SLC44A5: variants seen among roughly 807,000 people sequenced by gnomAD.
SLC44A5 encodes choline transporter-like protein 5.
A neutral mutation model predicts 101.8 loss-of-function variants in SLC44A5; 57 were observed. That is an observed-to-expected ratio of 0.56 (90% confidence interval 0.45 to 0.70). SLC44A5 has a LOEUF of 0.70. Among genes scored for constraint, SLC44A5 ranks in the 30% least tolerant of loss-of-function variants. The probability of loss-of-function intolerance (pLI) is 0.00; values close to 1 mark genes in which losing one functional copy is unlikely to be tolerated. For synonymous variants in SLC44A5, 281 were observed against 290.9 expected, an observed-to-expected ratio of 0.97 and a Z score of 0.35; for missense variants, 737 against 853.1, an observed-to-expected ratio of 0.86 and a Z score of 1.70.
At position 75,415,681 on chromosome 1, in the gene SLC44A5, G is replaced by A. The variant is rs149152125; in HGVS notation, c.14-19060C>T. Among the ~76,000 whole-genome samples, 276 of 152,270 alleles carry A rather than the reference G, an allele frequency of 1.8e-3. 4 individuals are homozygous for A. In the East Asian group the frequency reaches 0.037, roughly 21 times the overall value. ...GAACTTCCTAGAGATTTGTTGAATG[G>A]CTCTGACAAAAATGCTGATAGTGAT... On this transcript the variant is annotated intron_variant, in intron 2 of 23. Transcript: ENST00000370859.
At chr1:75,488,265 T>C (rs571802833) in intron 2 of SLC44A5, among the ~76,000 whole-genome samples, 5 of 152,200 alleles carry the variant, frequency 3.3e-5, no homozygotes, top group African/African-American at 7.2e-5. Flanking sequence ...CGTGGAAAAA[T>C]TGTCTCCCAA....
At chr1:75,329,726 C>A (rs562945045) in intron 4 of SLC44A5, among the ~76,000 whole-genome samples, 2 of 152,226 alleles carry the variant, frequency 1.3e-5, no homozygotes, top group East Asian at 3.9e-4. Context: ...TGATATTTTA[C>A]ACATATGCCG....
the SLC44A5 span, among the ~76,000 whole-genome samples, chr1:75,665,131 CA>C: frequency 2.6e-5 from 4 of 151,206 alleles, no homozygotes; most frequent in East Asian, 1.9e-4. Flanking sequence ...AGGAAACAAA[CA>C]AAAAAAAGAA....
At chr1:75,606,597 C>T (rs1368406620) in intron 1 of SLC44A5, among the ~76,000 whole-genome samples, 3 of 152,022 alleles carry the variant, frequency 2.0e-5, no homozygotes, top group Admixed American at 6.6e-5. Flanking sequence ...AAACAGTTAA[C>T]TGTGCTGTCT....
chr1:75,499,245 G>C (rs1263528639), intron 2 of SLC44A5, among the ~76,000 whole-genome samples: 1 of 152,200 alleles, frequency 6.6e-6, no homozygotes, highest in Non-Finnish European at 1.5e-5. Context: ...GGGCCGGAAG[G>C]GAGTGGTTTG....
At chr1:75,655,640 A>T in the SLC44A5 span, among the ~76,000 whole-genome samples, 1 of 152,170 alleles carries the variant, frequency 6.6e-6, no homozygotes, top group Admixed American at 6.5e-5. Context: ...AATGCAGCAC[A>T]GAGAGACACT....
chr1:75,550,582 A>G (rs180817408), intron 1 of SLC44A5, among the ~76,000 whole-genome samples: 13 of 151,986 alleles, frequency 8.6e-5, no homozygotes, highest in African/African-American at 2.9e-4. Context: ...AAAAAAAAAG[A>G]TCATTATTTG....
At position 75,575,284 on chromosome 1, in the gene SLC44A5, T is replaced by C. The variant is rs922407726; in HGVS notation, c.-69-33768A>G. 2.6e-5 allele frequency among the ~76,000 whole-genome samples: 4 copies of C among 152,198 alleles called. No homozygotes were observed. The East Asian group carries it at 5.8e-4, about 22-fold the overall frequency. On this transcript the variant is annotated intron_variant, in intron 1 of 23. Transcript: ENST00000370859. The stretch of plus-strand genomic sequence containing the variant: ...ATTTGTAAGTATGAACTAAAATGAT[T>C]TCAGACTTTAACACTTTAGTTTAAT...
At chr1:75,500,919 G>C (rs574807146) in intron 2 of SLC44A5, among the ~76,000 whole-genome samples, 1 of 152,206 alleles carries the variant, frequency 6.6e-6, no homozygotes, top group South Asian at 2.1e-4. Context: ...GTATCATCTT[G>C]AAACCTCTTT....
In SLC44A5 at chr1:75,347,739, T is replaced by A. The variant is rs527502880; in HGVS notation, c.53-8109A>T. On this transcript the variant is annotated intron_variant, in intron 3 of 23. Coordinates refer to ENST00000370859, the MANE Select transcript of SLC44A5 (RefSeq NM_001130058.2). ...GATTAAGATAATCATAAGAAATAGA[T>A]GCCTAGAGCTGATCTCACCCTCTTT... Among the ~76,000 whole-genome samples the A allele has an allele frequency of 3.3e-5, 5 of 151,908 alleles. No homozygotes were observed. In the South Asian group the frequency reaches 1.0e-3, roughly 32 times the overall value.
intron 5 of SLC44A5, among the ~76,000 whole-genome samples, chr1:75,297,251 A>C (rs1654035131): frequency 6.6e-6 from 1 of 152,236 alleles, no homozygotes; most frequent in South Asian, 2.1e-4. Flanking sequence ...CCAAAGAGTA[A>C]TCAATTTAAA....
At chr1:75,723,249 G>A in the SLC44A5 span, among the ~76,000 whole-genome samples, 1 of 152,170 alleles carries the variant, frequency 6.6e-6, no homozygotes, top group Admixed American at 6.5e-5. Context: ...CAACCTTTCT[G>A]CAGAAAGTAA....
chr1:75,578,457 A>G (rs1673498907), intron 1 of SLC44A5, among the ~76,000 whole-genome samples: 2 of 152,216 alleles, frequency 1.3e-5, no homozygotes, highest in South Asian at 4.1e-4. Context: ...CATAAAATAG[A>G]ATACTATTCA....
the SLC44A5 span, among the ~76,000 whole-genome samples, chr1:75,681,887 G>A: frequency 1.3e-5 from 2 of 152,158 alleles, no homozygotes; most frequent in Non-Finnish European, 2.9e-5. Flanking sequence ...CTCTCCTTAA[G>A]CTGATAAGCA....
At chr1:75,229,091 T>A (rs1186764379) in intron 12 of SLC44A5, among the ~76,000 whole-genome samples, 3 of 152,010 alleles carry the variant, frequency 2.0e-5, no homozygotes, top group Non-Finnish European at 4.4e-5. Context: ...TTCTCCTTCT[T>A]CTGTCTCTCA....
intron 3 of SLC44A5, among the ~76,000 whole-genome samples, chr1:75,341,000 C>A (rs1048464287): frequency 6.6e-6 from 1 of 152,218 alleles, no homozygotes; most frequent in African/African-American, 2.4e-5. Flanking sequence ...ATTCCCTTTT[C>A]TCACTTTTAA....
Position 75,203,669 on chromosome 1 carries a change from C to T in SLC44A5, c.*58G>A. 1 of 1,500,714 alleles carries T rather than the reference C, an allele frequency of 6.7e-7. No homozygotes were observed. The highest frequency in any genetic ancestry group is 1.4e-5 in the African/African-American group (1 of 71,072). 93.0% of individuals were successfully genotyped at this position (1,500,714 alleles called of 1,614,324 possible). A position where few individuals can be genotyped will look rare whatever the true frequency, so the allele number is the denominator to read the frequency against. On this transcript the variant is annotated 3_prime_UTR_variant, in exon 24 of 24. Coordinates refer to ENST00000370859, the MANE Select transcript of SLC44A5 (RefSeq NM_001130058.2). ...AAGCACTTATGAAACAAATGTTGCA[C>T]AGACACAGCAGATGGAGAAAAGGTA... is the stretch of plus-strand genomic sequence containing the variant.
chr1:75,306,249 A>G (rs1474518259), intron 4 of SLC44A5, among the ~76,000 whole-genome samples: 1 of 152,200 alleles, frequency 6.6e-6, no homozygotes, highest in Non-Finnish European at 1.5e-5. Flanking sequence ...GGACATTTAT[A>G]GAAAAAGTTT....
chr1:75,410,085 G>A (rs758451884), intron 2 of SLC44A5, among the ~76,000 whole-genome samples: 1 of 151,872 alleles, frequency 6.6e-6, no homozygotes, highest in Non-Finnish European at 1.5e-5. Context: ...CTCTTACCAG[G>A]TGTCTTTAAT....
Sources: allele counts gnomAD v4.1 joint callset (sites outside exome capture counted in the v4.1 genomes callset), GRCh38; gene constraint gnomAD v4.1.1; transcripts MANE v1.5; gene names NCBI Gene and HGNC (gene_info 2026-07-23, HGNC 2026-07-21).